CPQ: variants seen among roughly 807,000 people sequenced by gnomAD.
CPQ encodes the protein Ser-Met dipeptidase.
A neutral mutation model predicts 45.7 loss-of-function variants in CPQ; 37 were observed. The ratio of observed to expected loss-of-function variants is 0.81; its 90% CI spans 0.62 to 1.07. CPQ has a LOEUF of 1.07. Ranked by LOEUF, CPQ falls within the 50% of genes least tolerant of loss-of-function variation. The pLI is 0.00. For missense variants in CPQ, 537 were observed against 572.9 expected (o/e 0.94, Z 0.64); for synonymous variants, 186 against 205.8 (o/e 0.90, Z 0.82).
chr8:96,663,971 A>G (rs901734054), intron 1 of CPQ, among the ~76,000 whole-genome samples: 10 of 152,224 alleles, frequency 6.6e-5, no homozygotes, highest in Admixed American at 5.9e-4. Flanking sequence ...ACCTTGAGCA[A>G]ATTTCTATTT....
chr8:96,936,564 C>T (rs977359982), intron 4 of CPQ, among the ~76,000 whole-genome samples: 1 of 152,178 alleles, frequency 6.6e-6, no homozygotes, highest in Non-Finnish European at 1.5e-5. Flanking sequence ...TCTCTGATAG[C>T]TGTACCAAGT....
At chr8:96,895,873 T>C (rs543165530) in intron 4 of CPQ, among the ~76,000 whole-genome samples, 34 of 152,348 alleles carry the variant, frequency 2.2e-4, no homozygotes, top group Non-Finnish European at 4.6e-4. Flanking sequence ...GGACAGTTAA[T>C]GCATGTTCTT....
intron 4 of CPQ, among the ~76,000 whole-genome samples, chr8:96,952,411 A>G (rs1415632449): frequency 1.3e-5 from 2 of 152,170 alleles, no homozygotes; most frequent in African/African-American, 2.4e-5. Context: ...ATCTAGAATC[A>G]TTGTAGGTTT....
At chr8:97,082,447 A>G (rs1449763676) in intron 7 of CPQ, among the ~76,000 whole-genome samples, 3 of 152,188 alleles carry the variant, frequency 2.0e-5, no homozygotes, top group Non-Finnish European at 4.4e-5. Flanking sequence ...AGGTAAATAC[A>G]ATAACCAGCT....
chr8:97,044,529 A>T (rs928178194), intron 6 of CPQ, among the ~76,000 whole-genome samples: 1 of 152,220 alleles, frequency 6.6e-6, no homozygotes, highest in African/African-American at 2.4e-5. Flanking sequence ...GCTGGTGAGG[A>T]ACTGCCTTCC....
intron 6 of CPQ, among the ~76,000 whole-genome samples, chr8:97,033,895 C>T (rs952441812): frequency 2.0e-5 from 3 of 151,886 alleles, no homozygotes; most frequent in Non-Finnish European, 2.9e-5. Flanking sequence ...TTACACTGTA[C>T]TCTAATTAAT....
chr8:96,858,028 A>G (rs1811872585), intron 3 of CPQ, among the ~76,000 whole-genome samples: 1 of 152,134 alleles, frequency 6.6e-6, no homozygotes, highest in African/African-American at 2.4e-5. Context: ...AGCACCTACC[A>G]TGTATGGCCA....
At chr8:96,962,105 A>AT (rs1466084731) in intron 4 of CPQ, among the ~76,000 whole-genome samples, 1 of 152,076 alleles carries the variant, frequency 6.6e-6, no homozygotes, top group East Asian at 1.9e-4. Context: ...GCAGGCTTTC[A>AT]TCCAGTGCAT....
chr8:96,992,711 A>G (rs1056601409), intron 5 of CPQ, among the ~76,000 whole-genome samples: 1 of 152,166 alleles, frequency 6.6e-6, no homozygotes, highest in Non-Finnish European at 1.5e-5. Flanking sequence ...TACTATTAAT[A>G]AGTATTCAAT....
chr8:97,143,229 G>C lies in CPQ; in HGVS notation c.*46G>C, dbSNP rs1161299332. On this transcript the variant is annotated 3_prime_UTR_variant, in exon 8 of 8. Transcript: ENST00000220763. ...TTTCATGCTTCTGGCCAGGAATCCT[G>C]GGTCTGCAACTTTGGAAAACTCCTC... 2 of 1,598,662 alleles carry C rather than the reference G, an allele frequency of 1.3e-6. No individual in the cohort carries two copies. The highest frequency in any genetic ancestry group is 1.7e-6 in the Non-Finnish European group (2 of 1,170,680).
At chr8:97,065,357 G>C (rs1434609053) in intron 6 of CPQ, among the ~76,000 whole-genome samples, 1 of 152,206 alleles carries the variant, frequency 6.6e-6, no homozygotes, top group Non-Finnish European at 1.5e-5. Flanking sequence ...AAGAGTTTAT[G>C]AACTAGTGGC....
At chr8:96,876,576 T>C (rs1250986900) in intron 3 of CPQ, among the ~76,000 whole-genome samples, 1 of 152,180 alleles carries the variant, frequency 6.6e-6, no homozygotes, top group Non-Finnish European at 1.5e-5. Flanking sequence ...TATTTGTAGA[T>C]GCTTTTTATC....
chr8:96,883,176 A>G (rs1812252172), intron 4 of CPQ, among the ~76,000 whole-genome samples: 1 of 152,186 alleles, frequency 6.6e-6, no homozygotes, highest in Admixed American at 6.5e-5. Flanking sequence ...CCATTCAGCA[A>G]TTGATGGATA....
intron 7 of CPQ, among the ~76,000 whole-genome samples, chr8:97,073,916 T>C (rs1359563056): frequency 6.6e-6 from 1 of 152,232 alleles, no homozygotes; most frequent in Non-Finnish European, 1.5e-5. Flanking sequence ...TCCTCATCAA[T>C]ATTGCATTCC....
At position 96,802,260 on chromosome 8, in the gene CPQ, G is replaced by A. The variant is rs375561137; in HGVS notation, c.433+16930G>A. On this transcript the variant is annotated intron_variant, in intron 2 of 7. Transcript: ENST00000220763. ...CAGGTTAGTGCTCTAGAATTAATTAGAGCTTCTATCTTTTTTTTGAGTCTG... is the reference window on the plus strand; with the variant it reads ...CAGGTTAGTGCTCTAGAATTAATTAAAGCTTCTATCTTTTTTTTGAGTCTG... 2.3e-3 allele frequency among the ~76,000 whole-genome samples: 349 copies of A among 152,236 alleles called. 4 individuals carry two copies. The highest frequency in any genetic ancestry group is 8.2e-3 in the African/African-American group (341 of 41,528).
In CPQ at chr8:97,124,969, C is replaced by T. The variant is rs116752545; in HGVS notation, c.1256-18051C>T. ...TAGAGAAAATCAATGAATTTTAAAACGGACTTTTTGAAACAAAGCTATAAA... is the reference window on the plus strand; with the variant it reads ...TAGAGAAAATCAATGAATTTTAAAATGGACTTTTTGAAACAAAGCTATAAA... On this transcript the variant is annotated intron_variant, in intron 7 of 7. Coordinates refer to ENST00000220763, the MANE Select transcript of CPQ (RefSeq NM_016134.4). Among the ~76,000 whole-genome samples, 828 of 152,014 alleles carry T rather than the reference C, an allele frequency of 5.4e-3. 8 individuals carry two copies. Among genetic ancestry groups the T allele is most frequent in the African/African-American group, 0.015 (613 of 41,482 alleles).
intron 1 of CPQ, among the ~76,000 whole-genome samples, chr8:96,663,954 CTGTA>C (rs1174601506): frequency 1.3e-5 from 2 of 152,014 alleles, no homozygotes; most frequent in Non-Finnish European, 2.9e-5. Flanking sequence ...TAAAAAAAAA[CTGTA>C]TGACCTTGAG....
At chr8:97,067,157 G>T (rs1810653284) in intron 7 of CPQ, among the ~76,000 whole-genome samples, 1 of 151,810 alleles carries the variant, frequency 6.6e-6, no homozygotes, top group African/African-American at 2.4e-5. Flanking sequence ...CAACTCCTGG[G>T]CTCAAGTGAT....
chr8:96,800,585 A>G (rs1810993274), intron 2 of CPQ, among the ~76,000 whole-genome samples: 1 of 152,216 alleles, frequency 6.6e-6, no homozygotes, highest in Admixed American at 6.5e-5. Flanking sequence ...GAGTGGACAT[A>G]TAAAATATGA....
Sources: allele counts gnomAD v4.1 joint callset (sites outside exome capture counted in the v4.1 genomes callset), GRCh38; gene constraint gnomAD v4.1.1; transcripts MANE v1.5; gene names NCBI Gene and HGNC (gene_info 2026-07-23, HGNC 2026-07-21).